The following CLIC4 variants were observed in gnomAD, a reference collection of about 807,000 sequenced individuals.
CLIC4 encodes the protein CLIC family member 4.
A neutral mutation model predicts 24.6 loss-of-function variants in CLIC4; 13 were observed. That is an observed-to-expected ratio of 0.53 (90% CI 0.34 to 0.84). CLIC4 has a LOEUF of 0.84. CLIC4 is among the 40% of genes least tolerant of loss of function. The pLI, the probability that CLIC4 is intolerant of heterozygous loss-of-function variation, is 0.01. For synonymous variants in CLIC4, 104 were observed against 111.3 expected, an observed-to-expected ratio of 0.93 and a Z score of 0.41; for missense variants, 227 against 301.7, an observed-to-expected ratio of 0.75 and a Z score of 1.83.
chr1:24,829,402 T>TATA (rs1201187169), intron 4 of CLIC4, among the ~76,000 whole-genome samples: 1 of 152,160 alleles, frequency 6.6e-6, no homozygotes, highest in Non-Finnish European at 1.5e-5. Flanking sequence ...AGATAACACA[T>TATA]ATATAATTCT....
chr1:24,782,729 C>T (rs1413205787), intron 1 of CLIC4, among the ~76,000 whole-genome samples: 1 of 152,138 alleles, frequency 6.6e-6, no homozygotes, highest in East Asian at 1.9e-4. Flanking sequence ...TCTGTAATCC[C>T]ACCGCTTTCG....
At chr1:24,758,830 C>G (rs1017897100) in intron 1 of CLIC4, among the ~76,000 whole-genome samples, 1 of 151,226 alleles carries the variant, frequency 6.6e-6, no homozygotes, top group Non-Finnish European at 1.5e-5. Context: ...TTTATTTTTG[C>G]TTGCATGAAT....
chr1:24,809,049 C>T lies in CLIC4; in HGVS notation c.183-5045C>T, dbSNP rs74648634. On this transcript the variant is annotated intron_variant, in intron 2 of 5. Transcript: ENST00000374379. ...TGAACCCATGAATAAGGAGGGCTGACTTATTTCATTTTGTGAAAAACTTGA... is the reference window on the plus strand; with the variant it reads ...TGAACCCATGAATAAGGAGGGCTGATTTATTTCATTTTGTGAAAAACTTGA... Among the ~76,000 whole-genome samples the T allele has an allele frequency of 5.9e-3, 899 of 152,206 alleles. 21 individuals carry two copies. The East Asian group carries it at 0.062, about 11-fold the overall frequency.
At chr1:24,805,949 T>C (rs1639545915) in intron 2 of CLIC4, among the ~76,000 whole-genome samples, 1 of 152,244 alleles carries the variant, frequency 6.6e-6, no homozygotes, top group Admixed American at 6.5e-5. Flanking sequence ...CAGAATAATT[T>C]ATTTCATCTG....
intron 1 of CLIC4, among the ~76,000 whole-genome samples, chr1:24,788,807 C>G (rs1008509121): frequency 3.3e-5 from 5 of 152,246 alleles, no homozygotes; most frequent in Non-Finnish European, 7.3e-5. Context: ...CCTGGACACA[C>G]TAGCAGGCAC....
intron 2 of CLIC4, among the ~76,000 whole-genome samples, chr1:24,809,170 T>C (rs1216047730): frequency 6.6e-6 from 1 of 152,188 alleles, no homozygotes; most frequent in Non-Finnish European, 1.5e-5. Flanking sequence ...GTTAGGTTCT[T>C]ACAGAAGTTG....
intron 3 of CLIC4, among the ~76,000 whole-genome samples, chr1:24,825,016 A>ACACG (rs1457083636): frequency 1.3e-5 from 2 of 151,588 alleles, no homozygotes; most frequent in Non-Finnish European, 2.9e-5. Flanking sequence ...ACACACACAC[A>ACACG]CACACACACA....
intron 1 of CLIC4, among the ~76,000 whole-genome samples, chr1:24,791,448 T>C (rs1012622851): frequency 1.3e-5 from 2 of 152,062 alleles, no homozygotes; most frequent in African/African-American, 4.8e-5. Context: ...TTCTAGAAAT[T>C]TGAATTTTTT....
intron 1 of CLIC4, among the ~76,000 whole-genome samples, chr1:24,770,858 C>A (rs771399541): frequency 2.6e-5 from 4 of 151,892 alleles, no homozygotes; most frequent in Non-Finnish European, 5.9e-5. Flanking sequence ...TGGTTTATTC[C>A]ATTTTTAACC....
intron 1 of CLIC4, among the ~76,000 whole-genome samples, chr1:24,763,857 A>G (rs1557796422): frequency 6.6e-6 from 1 of 151,914 alleles, no homozygotes; most frequent in Non-Finnish European, 1.5e-5. Flanking sequence ...TATTTTGTTG[A>G]TAGTTTTGCA....
At chr1:24,794,449 T>C (rs1343322535) in intron 1 of CLIC4, among the ~76,000 whole-genome samples, 1 of 152,212 alleles carries the variant, frequency 6.6e-6, no homozygotes, top group Non-Finnish European at 1.5e-5. Flanking sequence ...TCAGTGATAT[T>C]GAACTTTTTT....
chr1:24,768,313 T>C (rs1335635731), intron 1 of CLIC4, among the ~76,000 whole-genome samples: 2 of 152,224 alleles, frequency 1.3e-5, no homozygotes, highest in African/African-American at 4.8e-5. Flanking sequence ...TTCTTGATTT[T>C]TGTGGTATTC....
At chr1:24,778,015 T>C (rs1210696880) in intron 1 of CLIC4, 1 of 152,234 alleles carries the variant, frequency 6.6e-6, no homozygotes, top group Admixed American at 6.5e-5. Context: ...CTAGAAAATT[T>C]AATATAACAT....
At chr1:24,812,684 A>T (rs1211071086) in intron 2 of CLIC4, among the ~76,000 whole-genome samples, 1 of 152,130 alleles carries the variant, frequency 6.6e-6, no homozygotes, top group Non-Finnish European at 1.5e-5. Flanking sequence ...TCTTATTAGA[A>T]TACTATTACA....
chr1:24,753,312 CTGAGT>C (rs547183801), intron 1 of CLIC4, among the ~76,000 whole-genome samples: 48 of 152,236 alleles, frequency 3.2e-4, no homozygotes, highest in African/African-American at 1.2e-3. Context: ...AGTGCTAATA[CTGAGT>C]TAAGTACTAT....
intron 1 of CLIC4, among the ~76,000 whole-genome samples, chr1:24,778,335 G>T (rs1639165189): frequency 6.6e-6 from 1 of 152,080 alleles, no homozygotes; most frequent in African/African-American, 2.4e-5. Flanking sequence ...AATTTCATAT[G>T]GTTATTGTGA....
intron 1 of CLIC4, among the ~76,000 whole-genome samples, chr1:24,787,385 A>G (rs980879025): frequency 2.0e-5 from 3 of 152,056 alleles, no homozygotes; most frequent in African/African-American, 7.2e-5. Context: ...CTTCTTCAGC[A>G]TGTATATATT....
chr1:24,776,353 C>A (rs957526320), intron 1 of CLIC4, among the ~76,000 whole-genome samples: 23 of 152,138 alleles, frequency 1.5e-4, no homozygotes, highest in Non-Finnish European at 1.2e-4. Context: ...CAGTGCAGTT[C>A]CTTTCCTCCA....
At chr1:24,746,617 G>A (rs1638701744) in intron 1 of CLIC4, among the ~76,000 whole-genome samples, 1 of 152,132 alleles carries the variant, frequency 6.6e-6, no homozygotes, top group South Asian at 2.1e-4. Context: ...TCAGAGCTAG[G>A]CAACATACCG....
Sources: allele counts gnomAD v4.1 joint callset (sites outside exome capture counted in the v4.1 genomes callset), GRCh38; gene constraint gnomAD v4.1.1; transcripts MANE v1.5; gene names NCBI Gene and HGNC (gene_info 2026-07-23, HGNC 2026-07-21).